ASXL3: variants seen among roughly 807,000 people sequenced by gnomAD.
ASXL3 encodes ASXL transcriptional regulator 3.
In ASXL3, 34 loss-of-function variants were observed where a neutral mutation model predicts 170.6. The ratio of observed to expected loss-of-function variants is 0.20; its 90% confidence interval spans 0.15 to 0.27. The LOEUF is 0.27. ASXL3 is among the 10% of genes least tolerant of loss of function. The pLI, the probability that ASXL3 is intolerant of heterozygous loss-of-function variation, is 1.00. For missense variants in ASXL3, 2,592 were observed against 2,695.3 expected (o/e 0.96, Z 0.85); for synonymous variants, 1,002 against 989.1 (o/e 1.01, Z -0.24).
At chr18:33,607,737 TAAGCGATAGGTGTATCTAG>T in intron 2 of ASXL3, 61 bp downstream of exon 2, 1 of 1,264,946 alleles carries the variant, frequency 7.9e-7, no homozygotes, top group Non-Finnish European at 1.1e-6. Flanking sequence ...CACTCGTTGC[TAAGCGATAGGTGTATCTAG>T]ATTTTGATAT....
chr18:33,739,196 C>A lies in ASXL3; in HGVS notation c.1792C>A (p.Pro598Thr), dbSNP rs1416910612. The A allele has an allele frequency of 6.2e-7, 1 of 1,613,822 alleles. No individual in the cohort carries two copies. Among genetic ancestry groups the A allele is most frequent in the East Asian group, 2.2e-5 (1 of 44,866 alleles). The change falls in exon 11 of 12, where the codon CCT becomes ACT. Residue 598 changes from proline (P) to threonine (T), a missense_variant. This residue lies in a region of ASXL3 where 2,246 missense variants were observed against 2,219.6 expected (regional missense o/e 1.01). Coordinates refer to ENST00000269197, the MANE Select transcript of ASXL3 (RefSeq NM_030632.3). Reference protein sequence around the residue: ...IAIDMELQSDPEEQLSENACI... With the variant: ...IAIDMELQSDTEEQLSENACI... ...TATAGATATGGAGCTACAGAGTGAC[C>A]CTGAAGAACAGCTTTCAGAAAATGC...
intron 1 of ASXL3, among the ~76,000 whole-genome samples, chr18:33,592,742 G>A (rs1465764706): frequency 1.3e-5 from 2 of 151,998 alleles, no homozygotes; most frequent in African/African-American, 2.4e-5. Context: ...TGTTTATGAG[G>A]CACTAAAATA....
chr18:33,700,741 C>A (rs2066858987), intron 8 of ASXL3, among the ~76,000 whole-genome samples: 1 of 152,016 alleles, frequency 6.6e-6, no homozygotes, highest in South Asian at 2.1e-4. Flanking sequence ...ATGGAACCAT[C>A]CACTATAGAT....
intron 1 of ASXL3, among the ~76,000 whole-genome samples, chr18:33,601,301 A>G (rs937653704): frequency 2.0e-5 from 3 of 151,858 alleles, no homozygotes; most frequent in Non-Finnish European, 4.4e-5. Context: ...ATTAGCTACT[A>G]TTTATTAACA....
chr18:33,744,412 A>C lies in ASXL3; in HGVS notation c.4564A>C (p.Ile1522Leu). The change falls in exon 12 of 12, where the codon ATT becomes CTT. Residue 1522 changes from isoleucine (I) to leucine (L), a missense_variant. Ile to Leu is a conservative substitution (Grantham distance 5). This residue lies in a region of ASXL3 where 2,246 missense variants were observed against 2,219.6 expected (regional missense o/e 1.01). Coordinates refer to ENST00000269197, the MANE Select transcript of ASXL3 (RefSeq NM_030632.3). Reference sequence around the variant, plus strand: ...CGTGGCGTGTCCTCAGGTGTCTGTGATTAGCAGGCCTGAGCCAGTTGCCAA... The same window carrying C: ...CGTGGCGTGTCCTCAGGTGTCTGTGCTTAGCAGGCCTGAGCCAGTTGCCAA... ...QPVACPQVSV[I>L]SRPEPVANEG... 2 of 1,613,864 alleles carry C rather than the reference A, an allele frequency of 1.2e-6. No individual in the cohort carries two copies. The highest frequency in any genetic ancestry group is 1.7e-6 in the Non-Finnish European group (2 of 1,179,830).
chr18:33,683,567 AG>A lies in ASXL3; in HGVS notation c.879+1del. ...LLLLLPEVDR[Q>X]MGSDGILRLS... The stretch of plus-strand genomic sequence containing the variant: ...CTTTTGCTCCCAGAAGTGGATAGGC[AG>A]GTAAGTAGAAGTTTTAGACATTTGA... On this transcript the variant is annotated frameshift_variant and splice_region_variant, in exon 8 of 12. Transcript: ENST00000269197. LOFTEE classifies it high-confidence loss of function. 1 of 1,609,924 alleles carries A rather than the reference AG, an allele frequency of 6.2e-7. No homozygotes were observed. The highest frequency in any genetic ancestry group is 8.5e-7 in the Non-Finnish European group (1 of 1,178,208).
At chr18:33,671,463 G>A (rs1316683317) in intron 6 of ASXL3, among the ~76,000 whole-genome samples, 3 of 151,932 alleles carry the variant, frequency 2.0e-5, no homozygotes, top group African/African-American at 4.8e-5. Context: ...AAGCTTATTC[G>A]TGTATTTTAC....
chr18:33,713,253 T>TTG (rs2067105051), intron 8 of ASXL3, among the ~76,000 whole-genome samples: 1 of 83,800 alleles, frequency 1.2e-5, no homozygotes, highest in East Asian at 4.1e-4. Context: ...GTTTTGTTTT[T>TTG]TTTTTTTTTT....
At chr18:33,620,054 T>C (rs974909986) in intron 2 of ASXL3, among the ~76,000 whole-genome samples, 2 of 152,116 alleles carry the variant, frequency 1.3e-5, no homozygotes, top group African/African-American at 4.8e-5. Flanking sequence ...TCATGACCAC[T>C]TGTTCATCCA....
intron 7 of ASXL3, among the ~76,000 whole-genome samples, chr18:33,676,846 A>T (rs1421268050): frequency 6.6e-6 from 1 of 152,172 alleles, no homozygotes; most frequent in East Asian, 1.9e-4. Context: ...GACAACCCTA[A>T]TACATTATCA....
chr18:33,717,984 C>A (rs1457972377), intron 8 of ASXL3, among the ~76,000 whole-genome samples: 1 of 152,060 alleles, frequency 6.6e-6, no homozygotes, highest in African/African-American at 2.4e-5. Flanking sequence ...TTCTGTATCT[C>A]TTTGTTACTT....
At position 33,670,709 on chromosome 18, in the gene ASXL3, T is replaced by C. The variant is rs201872027; in HGVS notation, c.514T>C (p.Ser172Pro). ...RQQQKRRNGV[S>P]MMVNKTVPRV... ...GCAGCAGAAAAGAAGAAATGGAGTCTCAATGATGGTAAACAAGACTGTTCC... is the reference window on the plus strand; with the variant it reads ...GCAGCAGAAAAGAAGAAATGGAGTCCCAATGATGGTAAACAAGACTGTTCC... The change falls in exon 6 of 12, where the codon TCA (serine) becomes CCA (proline). Residue 172 changes from serine (S) to proline (P), a missense_variant. Around this residue, in one of 4 missense-constraint regions of ASXL3, gnomAD observed 251 missense variants for 281.9 expected, o/e 0.89. Transcript: ENST00000269197. 267 of 1,571,046 alleles carry C rather than the reference T, an allele frequency of 1.7e-4. 1 individual carries two copies. In the African/African-American group the frequency reaches 3.1e-3, roughly 18 times the overall value.
chr18:33,680,867 T>C (rs1371428982), intron 7 of ASXL3, among the ~76,000 whole-genome samples: 1 of 151,996 alleles, frequency 6.6e-6, no homozygotes, highest in African/African-American at 2.4e-5. Flanking sequence ...TTTATGTGTA[T>C]TTCTTCTAAG....
In ASXL3 at chr18:33,739,916, T is replaced by G. The variant is rs769183955; in HGVS notation, c.2512T>G (p.Cys838Gly). Residue 838 changes from cysteine (C) to glycine (G), a missense_variant, in exon 11 of 12, where the codon TGT (cysteine) becomes GGT (glycine). This residue lies in a region of ASXL3 where 2,246 missense variants were observed against 2,219.6 expected (regional missense o/e 1.01). Coordinates refer to ENST00000269197, the MANE Select transcript of ASXL3 (RefSeq NM_030632.3). ...CAATAAGACCCTGAGTCAGCAAACC[T>G]GTAAATCACATGTTGACACTGAGAA... ...LHNKTLSQQT[C>G]KSHVDTEKPY... 3 of 1,613,928 alleles carry G rather than the reference T, an allele frequency of 1.9e-6. No individual in the cohort carries two copies. Among genetic ancestry groups the G allele is most frequent in the Non-Finnish European group, 2.5e-6 (3 of 1,179,874 alleles).
At chr18:33,624,383 A>G (rs2065566503) in intron 2 of ASXL3, among the ~76,000 whole-genome samples, 1 of 151,980 alleles carries the variant, frequency 6.6e-6, no homozygotes, top group Non-Finnish European at 1.5e-5. Flanking sequence ...TGGTATAATG[A>G]CAGTTCATTT....
chr18:33,582,914 C>T (rs2065005695), intron 1 of ASXL3, among the ~76,000 whole-genome samples: 1 of 151,974 alleles, frequency 6.6e-6, no homozygotes, highest in African/African-American at 2.4e-5. Context: ...CTACACTGAA[C>T]AAAAGATTCA....
intron 1 of ASXL3, among the ~76,000 whole-genome samples, chr18:33,589,057 A>G (rs899938456): frequency 6.6e-6 from 1 of 152,106 alleles, no homozygotes; most frequent in South Asian, 2.1e-4. Context: ...ACCTTAATTC[A>G]GGCTGTTATA....
chr18:33,741,012 A>G (rs370460018), intron 11 of ASXL3, among the ~76,000 whole-genome samples: 1 of 152,204 alleles, frequency 6.6e-6, no homozygotes. Context: ...AAAATCTACA[A>G]AATTTTCATT....
At chr18:33,661,342 A>G (rs1238295984) in intron 4 of ASXL3, among the ~76,000 whole-genome samples, 2 of 152,108 alleles carry the variant, frequency 1.3e-5, no homozygotes, top group Non-Finnish European at 2.9e-5. Flanking sequence ...GATATTGTCT[A>G]TTTTTTATGT....
Sources: allele counts gnomAD v4.1 joint callset (sites outside exome capture counted in the v4.1 genomes callset), GRCh38; gene constraint gnomAD v4.1.1; regional missense constraint gnomAD v4.1.1; transcripts MANE v1.5; gene names NCBI Gene and HGNC (gene_info 2026-07-23, HGNC 2026-07-21).